Variants in CXCR4 observed in about 807,000 individuals in gnomAD.
CXCR4 encodes the protein C-X-C motif chemokine receptor 4.
CXCR4 carries 6 observed loss-of-function variants against 22.4 expected under a neutral mutation model. That is an observed-to-expected ratio of 0.27 (90% CI 0.15 to 0.53). CXCR4 has a LOEUF of 0.53. Among genes scored for constraint, CXCR4 ranks in the 20% least tolerant of loss-of-function variants. The probability of loss-of-function intolerance (pLI) is 0.96; values close to 1 mark genes in which losing one functional copy is unlikely to be tolerated. For synonymous variants in CXCR4, 155 were observed against 171.7 expected (o/e 0.90, Z 0.76); for missense variants, 300 against 430.4 (o/e 0.70, Z 2.68).
chr2:136,116,096 T>G (rs1684882384), intron 1 of CXCR4, 184 bp from the exon 2 acceptor site: 1 of 1,502,910 alleles, frequency 6.7e-7, no homozygotes, highest in Admixed American at 2.3e-5. Flanking sequence ...TCCCCATCTT[T>G]TCCCATAGTG....
Position 136,114,824 on chromosome 2 carries a change from A to G in CXCR4, c.*45T>C, listed in dbSNP as rs919247273. The G allele has an allele frequency of 1.3e-6, 2 of 1,520,126 alleles. No individual in the cohort carries two copies. The allele number at this position is 1,520,126 out of a possible 1,614,324, so 94.2% of individuals were successfully genotyped here. A position where few individuals can be genotyped will look rare whatever the true frequency, so the allele number is the denominator to read the frequency against. On this transcript the variant is annotated 3_prime_UTR_variant, in exon 2 of 2. Transcript: ENST00000241393. ...TTATATCTGAAAAATGTGTAACTTA[A>G]AAAAAAGTTATTTATCGTATAAAAA...
At position 136,115,408 on chromosome 2, in the gene CXCR4, A is replaced by T; in HGVS notation, c.520T>A (p.Phe174Ile). 1 of 1,614,206 alleles carries T rather than the reference A, an allele frequency of 6.2e-7. No homozygotes were observed. Among genetic ancestry groups the T allele is most frequent in the Non-Finnish European group, 8.5e-7 (1 of 1,180,036 alleles). ...TCATCTGCCTCACTGACGTTGGCAA[A>T]GATGAAGTCGGGAATAGTCAGCAGG... Reference protein sequence around the residue: ...ALLLTIPDFIFANVSEADDRY... With the variant: ...ALLLTIPDFIIANVSEADDRY... The change falls in exon 2 of 2, where the codon TTT (phenylalanine) becomes ATT (isoleucine). Residue 174 changes from phenylalanine to isoleucine, a missense_variant. Phe to Ile is a conservative substitution (Grantham distance 21). Transcript: ENST00000241393. The surrounding 1 kb of genome is among the most constrained non-coding windows in gnomAD (Gnocchi z 6.4).
At position 136,114,760 on chromosome 2, in the gene CXCR4, C is replaced by T; in HGVS notation, c.*109G>A. On this transcript the variant is annotated 3_prime_UTR_variant, in exon 2 of 2. Coordinates refer to ENST00000241393, the MANE Select transcript of CXCR4 (RefSeq NM_003467.3). ...AACTAAAGAAACACAAGACAAAAAT[C>T]CAACAAGCAATAAAAACTGTACAAT... The T allele has an allele frequency of 3.0e-6, 3 of 988,186 alleles. No individual in the cohort carries two copies. Among genetic ancestry groups the T allele is most frequent in the Non-Finnish European group, 4.5e-6 (3 of 672,736 alleles). 61.2% of individuals were successfully genotyped at this position (988,186 alleles called of 1,614,324 possible). A position where few individuals can be genotyped will look rare whatever the true frequency, so the allele number is the denominator to read the frequency against.
chr2:136,117,908 A>T, intron 1 of CXCR4, 138 bp downstream of exon 1: 1 of 426,516 alleles, frequency 2.3e-6, no homozygotes, highest in Non-Finnish European at 4.4e-6. Context: ...CATGGTCAAG[A>T]AAACTCCTTT....
chr2:136,117,806 C>CCACTGG (rs1684957928), intron 1 of CXCR4: 1 of 521,840 alleles, frequency 1.9e-6, no homozygotes, highest in Admixed American at 3.6e-5. Context: ...ACACATGCAG[C>CCACTGG]CACTGGAACG....
At chr2:136,117,895 A>G in intron 1 of CXCR4, 151 bp downstream of exon 1, 1 of 341,012 alleles carries the variant, frequency 2.9e-6, no homozygotes, top group Non-Finnish European at 5.5e-6. Flanking sequence ...CGCACTATAT[A>G]GGCATGGTCA....
In CXCR4 at chr2:136,115,284, A is replaced by G; in HGVS notation, c.644T>C (p.Ile215Thr). ...MVGLILPGIV[I>T]LSCYCIIISK... Reference sequence around the variant, plus strand: ...GATGATAATGCAATAGCAGGACAGGATGACAATACCAGGCAGGATAAGGCC... The same window carrying G: ...GATGATAATGCAATAGCAGGACAGGGTGACAATACCAGGCAGGATAAGGCC... Residue 215 changes from isoleucine (I) to threonine (T), a missense_variant, in exon 2 of 2, where the codon ATC (isoleucine) becomes ACC (threonine). Ile to Thr is a moderately conservative substitution (Grantham distance 89). This residue lies in a region of CXCR4 where 137 missense variants were observed against 153.2 expected (regional missense o/e 0.89). Coordinates refer to ENST00000241393, the MANE Select transcript of CXCR4 (RefSeq NM_003467.3). The surrounding 1 kb of genome is among the most constrained non-coding windows in gnomAD (Gnocchi z 6.4). 1 of 1,614,186 alleles carries G rather than the reference A, an allele frequency of 6.2e-7. No homozygotes were observed. Among genetic ancestry groups the G allele is most frequent in the Non-Finnish European group, 8.5e-7 (1 of 1,180,046 alleles).
Position 136,115,999 on chromosome 2 carries a change from A to G in CXCR4, c.16-87T>C. ...AAAAAATTTTTAAAGCAATTTAAAAAACCAATTCAGGCTTGCTTTCTTCAG... is the reference window on the plus strand; with the variant it reads ...AAAAAATTTTTAAAGCAATTTAAAAGACCAATTCAGGCTTGCTTTCTTCAG... On this transcript the variant is annotated intron_variant, in intron 1 of 1. Transcript: ENST00000241393. This position sits in a 1 kb window ranked among gnomAD's most constrained non-coding sequence, Gnocchi z 6.4. 6.2e-7 allele frequency: 1 copy of G among 1,607,590 alleles called. No individual in the cohort carries two copies. Among genetic ancestry groups the G allele is most frequent in the African/African-American group, 1.3e-5 (1 of 74,992 alleles).
chr2:136,117,565 A>T (rs572754209), intron 1 of CXCR4: 1 of 160,792 alleles, frequency 6.2e-6, no homozygotes, highest in African/African-American at 2.4e-5. Context: ...CTTAACCCCG[A>T]AGTTAAAGCG....
In CXCR4 at chr2:136,118,064, A is replaced by G; in HGVS notation, c.-4T>C. The G allele has an allele frequency of 6.2e-7, 1 of 1,613,836 alleles. No homozygotes were observed. Among genetic ancestry groups the G allele is most frequent in the Non-Finnish European group, 8.5e-7 (1 of 1,179,790 alleles). On this transcript the variant is annotated 5_prime_UTR_variant, in exon 1 of 2. Coordinates refer to ENST00000241393, the MANE Select transcript of CXCR4 (RefSeq NM_003467.3). ...GACTTACACTGATCCCCTCCATGGT[A>G]ACCGCTGGTTCTCCAGATGCGGTGG...
At position 136,115,631 on chromosome 2, in the gene CXCR4, C is replaced by G; in HGVS notation, c.297G>C (p.Val99=). The G allele has an allele frequency of 6.2e-7, 1 of 1,614,160 alleles. No homozygotes were observed. The highest frequency in any genetic ancestry group is 8.5e-7 in the Non-Finnish European group (1 of 1,180,036). ...GGAAGTTCCCAAAGTACCAGTTTGC[C>G]ACGGCATCAACTGCCCAGAAGGGAA... ...ITLPFWAVDA[V]ANWYFGNFLC... is the part of the protein sequence containing the mutation. Residue 99 remains valine (V), a synonymous_variant, in exon 2 of 2, where the codon GTG becomes GTC. Transcript: ENST00000241393. The surrounding 1 kb of genome is among the most constrained non-coding windows in gnomAD (Gnocchi z 6.4).
chr2:136,116,868 G>C (rs1257056366), intron 1 of CXCR4, among the ~76,000 whole-genome samples: 2 of 152,134 alleles, frequency 1.3e-5, no homozygotes, highest in Admixed American at 1.3e-4. Context: ...GCCCCGGGCC[G>C]CCGCGGCTGC....
rs1379172040 is a variant in CXCR4, at chr2:136,114,609, T to C, written c.*260A>G. 2 of 369,482 alleles carry C rather than the reference T, an allele frequency of 5.4e-6. No individual in the cohort carries two copies. The highest frequency in any genetic ancestry group is 9.9e-6 in the Non-Finnish European group (2 of 202,344). The allele number at this position is 369,482 out of a possible 1,614,324, so 22.9% of individuals were successfully genotyped here. ...TCACTACACGCTCTGGAATGTTCAG[T>C]TCCCTTTTCTACAGTCCTACCACGA... On this transcript the variant is annotated 3_prime_UTR_variant, in exon 2 of 2. Transcript: ENST00000241393.
In CXCR4 at chr2:136,115,110, C is replaced by A; in HGVS notation, c.818G>T (p.Gly273Val). Reference sequence around the variant, plus strand: ...GTGCACAGTGTTCTCAAACTCACACCCTTGCTTGATGATTTCCAGGAGGAT... The same window carrying A: ...GTGCACAGTGTTCTCAAACTCACACACTTGCTTGATGATTTCCAGGAGGAT... ...SFILLEIIKQ[G>V]CEFENTVHKW... The change falls in exon 2 of 2, where the codon GGG becomes GTG. Residue 273 changes from glycine to valine, a missense_variant. Around this residue, in one of 3 missense-constraint regions of CXCR4, gnomAD observed 137 missense variants for 153.2 expected, o/e 0.89. Transcript: ENST00000241393. This position sits in a 1 kb window ranked among gnomAD's most constrained non-coding sequence, Gnocchi z 6.4. 6.8e-6 allele frequency: 11 copies of A among 1,614,156 alleles called. No individual in the cohort carries two copies. Among genetic ancestry groups the A allele is most frequent in the Non-Finnish European group, 9.3e-6 (11 of 1,180,038 alleles).
chr2:136,116,616 G>C (rs145408484), intron 1 of CXCR4, among the ~76,000 whole-genome samples: 1 of 152,160 alleles, frequency 6.6e-6, no homozygotes, highest in South Asian at 2.1e-4. Flanking sequence ...GCGCTCCTCC[G>C]GTGTGTGGGT....
rs1393307051 is a variant in CXCR4, at chr2:136,115,761, T to C, written c.167A>G (p.Asn56Ser). Reference protein sequence around the residue: ...SIIFLTGIVGNGLVILVMGYQ... With the variant: ...SIIFLTGIVGSGLVILVMGYQ... ...ACCCATGACCAGGATGACCAATCCA[T>C]TGCCCACAATGCCAGTTAAGAAGAT... is the stretch of plus-strand genomic sequence containing the variant. Residue 56 changes from asparagine (N) to serine (S), a missense_variant, in exon 2 of 2, where the codon AAT becomes AGT. Physicochemically the swap from Asn to Ser is conservative, Grantham distance 46. Transcript: ENST00000241393. The surrounding 1 kb of genome is among the most constrained non-coding windows in gnomAD (Gnocchi z 6.4). 6.2e-7 allele frequency: 1 copy of C among 1,614,100 alleles called. No homozygotes were observed. Among genetic ancestry groups the C allele is most frequent in the East Asian group, 2.2e-5 (1 of 44,902 alleles).
chr2:136,115,317 A>T lies in CXCR4; in HGVS notation c.611T>A (p.Ile204Asn), dbSNP rs746770414. 6.2e-7 allele frequency: 1 copy of T among 1,614,214 alleles called. No individual in the cohort carries two copies. Among genetic ancestry groups the T allele is most frequent in the Non-Finnish European group, 8.5e-7 (1 of 1,180,046 alleles). ...LWVVVFQFQH[I>N]MVGLILPGIV... ...ACCAGGCAGGATAAGGCCAACCATGATGTGCTGAAACTGGAACACAACCAC... is the reference window on the plus strand; with the variant it reads ...ACCAGGCAGGATAAGGCCAACCATGTTGTGCTGAAACTGGAACACAACCAC... The change falls in exon 2 of 2, where the codon ATC (isoleucine) becomes AAC (asparagine). Residue 204 changes from isoleucine (I) to asparagine (N), a missense_variant. By Grantham distance (149) the Ile-to-Asn change is moderately radical (BLOSUM62 -3). Around this residue, in one of 3 missense-constraint regions of CXCR4, gnomAD observed 137 missense variants for 153.2 expected, o/e 0.89. Transcript: ENST00000241393. The surrounding 1 kb of genome is among the most constrained non-coding windows in gnomAD (Gnocchi z 6.4).
intron 1 of CXCR4, chr2:136,116,344 T>C (rs1057215998): frequency 3.3e-6 from 2 of 603,822 alleles, no homozygotes; most frequent in South Asian, 9.9e-5. Context: ...ATTAACTTTT[T>C]GTAAGAAGTT....
intron 1 of CXCR4, chr2:136,117,394 C>T (rs528030793): frequency 1.3e-5 from 2 of 152,224 alleles, no homozygotes; most frequent in Middle Eastern, 3.4e-3. Flanking sequence ...GGCGGATCAA[C>T]TCCTAGCTGC....
Sources: gnomAD v4.1 joint callset for allele counts (sites outside exome capture counted in the v4.1 genomes callset) on GRCh38, gnomAD v4.1.1 for gene constraint, gnomAD v4.1.1 regional missense constraint, Gnocchi (gnomAD v3.1) non-coding constraint, MANE v1.5 for transcripts, NCBI Gene and HGNC (gene_info 2026-07-23, HGNC 2026-07-21) for gene names.